Variants in ERC2 observed in about 807,000 individuals in gnomAD.
ERC2 encodes ELKS/RAB6-interacting/CAST family member 2.
Under a neutral mutation model 114.8 loss-of-function variants are expected in ERC2, and 42 were observed. The observed-to-expected ratio is 0.37, with a 90% CI of 0.29 to 0.47. ERC2 has a LOEUF of 0.47. Ranked by LOEUF, ERC2 falls within the 20% of genes least tolerant of loss-of-function variation. The probability of loss-of-function intolerance (pLI) is 0.99; values close to 1 mark genes in which losing one functional copy is unlikely to be tolerated. For missense variants in ERC2, 939 were observed against 1,150.7 expected (o/e 0.82, Z 2.66); for synonymous variants, 454 against 425.5 (o/e 1.07, Z -0.82).
intron 17 of ERC2, among the ~76,000 whole-genome samples, chr3:55,682,136 G>A (rs190413500): frequency 1.8e-3 from 281 of 152,198 alleles, no homozygotes; most frequent in Non-Finnish European, 3.0e-3. Context: ...TATGACTTTA[G>A]GTCAATTGCC....
At chr3:55,922,092 G>C (rs1232785365) in intron 13 of ERC2, among the ~76,000 whole-genome samples, 1 of 152,000 alleles carries the variant, frequency 6.6e-6, no homozygotes, top group Non-Finnish European at 1.5e-5. Context: ...CTAAATAAGT[G>C]GACTAGAACT....
chr3:55,644,650 G>C (rs1032036385), intron 17 of ERC2, among the ~76,000 whole-genome samples: 14 of 151,894 alleles, frequency 9.2e-5, no homozygotes, highest in African/African-American at 2.7e-4. Flanking sequence ...GTATGTATGA[G>C]TGTGTATGTA....
intron 13 of ERC2, among the ~76,000 whole-genome samples, chr3:55,943,132 C>T (rs1444072039): frequency 6.6e-6 from 1 of 152,190 alleles, no homozygotes; most frequent in East Asian, 1.9e-4. Flanking sequence ...TTTAACTAGA[C>T]TGGCCCTTTT....
chr3:56,386,680 T>C (rs1254462961), intron 2 of ERC2, among the ~76,000 whole-genome samples: 1 of 152,162 alleles, frequency 6.6e-6, no homozygotes, highest in Non-Finnish European at 1.5e-5. Context: ...TTTTCCTCGC[T>C]GGAAAGACCT....
Position 56,434,373 on chromosome 3 carries a change from C to T in ERC2, c.635G>A (p.Arg212Lys), listed in dbSNP as rs771043687. Reference protein sequence around the residue: ...ARMSVLKEQMRVSHEENQHLQ... With the variant: ...ARMSVLKEQMKVSHEENQHLQ... ...TACCTGATTTTCTTCATGGGAAACCCTCATCTGCTCCTTGAGGACAGACAT... is the reference window on the plus strand; with the variant it reads ...TACCTGATTTTCTTCATGGGAAACCTTCATCTGCTCCTTGAGGACAGACAT... The change falls in exon 2 of 18, where the codon AGG becomes AAG. Residue 212 changes from arginine to lysine, a missense_variant. Around this residue, in one of 5 missense-constraint regions of ERC2, gnomAD observed 281 missense variants for 307.4 expected, o/e 0.91. Coordinates refer to ENST00000288221, the MANE Select transcript of ERC2 (RefSeq NM_015576.3). 8 of 1,613,660 alleles carry T rather than the reference C, an allele frequency of 5.0e-6. No individual in the cohort carries two copies. Among genetic ancestry groups the T allele is most frequent in the African/African-American group, 1.3e-5 (1 of 75,036 alleles).
intron 6 of ERC2, among the ~76,000 whole-genome samples, chr3:56,134,924 TTTTTTGTTTTTGTTTTTG>T (rs202091525): frequency 2.0e-5 from 3 of 149,010 alleles, no homozygotes; most frequent in African/African-American, 7.6e-5. Context: ...TTTTTTGTTT[TTTTTTGTTTTTGTTTTTG>T]TTTTTGTTTT....
intron 17 of ERC2, among the ~76,000 whole-genome samples, chr3:55,568,508 T>C (rs2056513117): frequency 6.6e-6 from 1 of 152,216 alleles, no homozygotes; most frequent in Non-Finnish European, 1.5e-5. Flanking sequence ...TCTGGAGCCA[T>C]CTTTGGCTCC....
chr3:55,951,580 C>T (rs1280408218), intron 12 of ERC2, among the ~76,000 whole-genome samples: 2 of 152,100 alleles, frequency 1.3e-5, no homozygotes, highest in Non-Finnish European at 2.9e-5. Context: ...CAACCATGTC[C>T]ACAGCAGCTG....
At chr3:55,701,793 G>A (rs1229276965) in intron 15 of ERC2, among the ~76,000 whole-genome samples, 1 of 152,160 alleles carries the variant, frequency 6.6e-6, no homozygotes, top group Non-Finnish European at 1.5e-5. Flanking sequence ...ATGAGATTCT[G>A]AAATTTGGCG....
intron 17 of ERC2, among the ~76,000 whole-genome samples, chr3:55,667,344 T>C (rs756063216): frequency 3.3e-5 from 5 of 152,252 alleles, no homozygotes; most frequent in Non-Finnish European, 7.3e-5. Flanking sequence ...TAAATGCTAG[T>C]TGCATAGATA....
At chr3:55,784,108 A>G (rs1263989460) in intron 14 of ERC2, among the ~76,000 whole-genome samples, 3 of 152,212 alleles carry the variant, frequency 2.0e-5, no homozygotes, top group Non-Finnish European at 4.4e-5. Context: ...CTTTTTAGGA[A>G]TAATTTCTCA....
At chr3:56,099,954 T>C (rs906704782) in intron 6 of ERC2, among the ~76,000 whole-genome samples, 1 of 151,996 alleles carries the variant, frequency 6.6e-6, no homozygotes, top group Non-Finnish European at 1.5e-5. Flanking sequence ...CAAAAGTCTT[T>C]CCAGAGAACC....
intron 14 of ERC2, among the ~76,000 whole-genome samples, chr3:55,776,105 CTTT>C (rs57672006): frequency 6.6e-6 from 1 of 150,818 alleles, no homozygotes; most frequent in African/African-American, 2.4e-5. Flanking sequence ...CCAACACATA[CTTT>C]TTTTTTTCTT....
At chr3:55,644,725 T>C (rs2148662554) in intron 17 of ERC2, among the ~76,000 whole-genome samples, 1 of 151,372 alleles carries the variant, frequency 6.6e-6, no homozygotes, top group Middle Eastern at 3.4e-3. Flanking sequence ...TGGGGTTATT[T>C]ATATCTATGA....
intron 14 of ERC2, among the ~76,000 whole-genome samples, chr3:55,864,263 G>A (rs1364388961): frequency 6.7e-6 from 1 of 148,422 alleles, no homozygotes; most frequent in African/African-American, 2.5e-5. Flanking sequence ...ATATATGTGT[G>A]TGTGTATGTG....
At chr3:55,936,824 C>A (rs530001325) in intron 13 of ERC2, among the ~76,000 whole-genome samples, 18 of 152,304 alleles carry the variant, frequency 1.2e-4, no homozygotes, top group African/African-American at 4.1e-4. Flanking sequence ...TGAAAAACAA[C>A]ATGACATCAT....
At chr3:56,437,627 A>C (rs967989699) in intron 1 of ERC2, among the ~76,000 whole-genome samples, 1 of 152,212 alleles carries the variant, frequency 6.6e-6, no homozygotes, top group African/African-American at 2.4e-5. Flanking sequence ...AAAGAACTTC[A>C]TTTCAAATGT....
intron 4 of ERC2, among the ~76,000 whole-genome samples, chr3:56,159,623 T>C (rs1450868933): frequency 1.3e-5 from 2 of 152,184 alleles, no homozygotes; most frequent in African/African-American, 2.4e-5. Flanking sequence ...GCATTAAGCA[T>C]AGTACTCAAT....
At chr3:55,981,812 A>G (rs2070161340) in intron 12 of ERC2, among the ~76,000 whole-genome samples, 1 of 152,192 alleles carries the variant, frequency 6.6e-6, no homozygotes, top group African/African-American at 2.4e-5. Flanking sequence ...TAGACAACTC[A>G]GCTTCCAGAA....
Sources: gnomAD v4.1 joint callset for allele counts (sites outside exome capture counted in the v4.1 genomes callset) on GRCh38, gnomAD v4.1.1 for gene constraint, gnomAD v4.1.1 regional missense constraint, MANE v1.5 for transcripts, NCBI Gene and HGNC (gene_info 2026-07-23, HGNC 2026-07-21) for gene names.